Variants in CTNNA3 observed in about 807,000 individuals in gnomAD.
CTNNA3 encodes catenin alpha 3.
Under a neutral mutation model 95.7 loss-of-function variants are expected in CTNNA3, and 76 were observed. The observed-to-expected ratio is 0.79, with a 90% CI of 0.66 to 0.96. The LOEUF is 0.96. Among genes scored for constraint, CTNNA3 ranks in the 40% least tolerant of loss-of-function variants. CTNNA3 has a pLI of 0.00. For missense variants in CTNNA3, 1,191 were observed against 1,089.8 expected, an observed-to-expected ratio of 1.09 and a Z score of -1.31; for synonymous variants, 431 against 374.4, an observed-to-expected ratio of 1.15 and a Z score of -1.74.
intron 5 of CTNNA3, among the ~76,000 whole-genome samples, chr10:67,395,599 G>A (rs1342519309): frequency 6.6e-6 from 1 of 152,188 alleles, no homozygotes; most frequent in Admixed American, 6.5e-5. Flanking sequence ...TTTAAACTTA[G>A]ATTAGTACAT....
intron 7 of CTNNA3, among the ~76,000 whole-genome samples, chr10:66,991,664 G>A (rs948181604): frequency 6.6e-6 from 1 of 152,008 alleles, no homozygotes; most frequent in Non-Finnish European, 1.5e-5. Context: ...TGATTCTCCC[G>A]CCTCAGCCTC....
intron 5 of CTNNA3, among the ~76,000 whole-genome samples, chr10:67,339,586 T>C (rs773457165): frequency 1.3e-5 from 2 of 152,108 alleles, no homozygotes; most frequent in Non-Finnish European, 2.9e-5. Flanking sequence ...ATACCTACAA[T>C]ACTTTTTACT....
chr10:66,812,565 G>T (rs1214213237), intron 7 of CTNNA3, among the ~76,000 whole-genome samples: 6 of 152,038 alleles, frequency 3.9e-5, no homozygotes, highest in Non-Finnish European at 7.4e-5. Flanking sequence ...ACATACCTCA[G>T]TTTCCTCCTT....
rs946191605 is a variant in CTNNA3 at position 66,927,629 on chromosome 10, G to A, written c.1048-152105C>T. 1 of 1,614,090 alleles carries A rather than the reference G, an allele frequency of 6.2e-7. No individual in the cohort carries two copies. The highest frequency in any genetic ancestry group is 1.3e-5 in the African/African-American group (1 of 75,012). On this transcript the variant is annotated intron_variant, in intron 7 of 17. Transcript: ENST00000433211. The surrounding 1 kb of genome is among the most constrained non-coding windows in gnomAD (Gnocchi z 4.7). ...AGCCTTCAGAACCTTTACTTGCAGT[G>A]GAATAAAATCAGTGTCATAGGACAG...
intron 11 of CTNNA3, among the ~76,000 whole-genome samples, chr10:66,383,023 A>C (rs1472039874): frequency 2.0e-5 from 3 of 151,182 alleles, no homozygotes; most frequent in Non-Finnish European, 4.4e-5. Context: ...TCTAAAAATC[A>C]GAGCACCTCT....
chr10:65,949,751 G>A (rs1489835666), intron 17 of CTNNA3, among the ~76,000 whole-genome samples: 1 of 152,154 alleles, frequency 6.6e-6, no homozygotes, highest in Non-Finnish European at 1.5e-5. Flanking sequence ...GCGATTGGTT[G>A]TCAGAGCATG....
rs77709901 is a variant in CTNNA3 at position 67,652,211 on chromosome 10, A to G, written c.-5-4693T>C. ...GATGAGGACTATACACTCATGGCCT[A>G]ATTAGCTCCCAAAGGCTCCACCATT... On this transcript the variant is annotated intron_variant, in intron 1 of 17. Transcript: ENST00000433211. Among the ~76,000 whole-genome samples the G allele has an allele frequency of 1.3e-3, 199 of 152,332 alleles. 1 individual carries two copies. The highest frequency in any genetic ancestry group is 4.6e-3 in the African/African-American group (190 of 41,582).
chr10:67,539,548 A>C lies in CTNNA3; in HGVS notation c.414T>G (p.Leu138=). ...GGCACATGACATCAATCATGTCCGC[A>C]AGGATAAGGAGTCTCGTCACCGCAG... is the stretch of plus-strand genomic sequence containing the variant. ...LLAAVTRLLI[L]ADMIDVMCLL... The change falls in exon 4 of 18, where the codon CTT becomes CTG. Residue 138 remains leucine (L), a synonymous_variant. Coordinates refer to ENST00000433211, the MANE Select transcript of CTNNA3 (RefSeq NM_013266.4). 6.2e-7 allele frequency: 1 copy of C among 1,613,804 alleles called. No homozygotes were observed. The highest frequency in any genetic ancestry group is 8.5e-7 in the Non-Finnish European group (1 of 1,179,778).
At chr10:67,305,462 T>C (rs1313680559) in intron 5 of CTNNA3, among the ~76,000 whole-genome samples, 1 of 151,352 alleles carries the variant, frequency 6.6e-6, no homozygotes, top group Non-Finnish European at 1.5e-5. Flanking sequence ...GATAGGTATG[T>C]AGGGGAGAAA....
chr10:66,591,224 G>A (rs1352232046), intron 10 of CTNNA3, among the ~76,000 whole-genome samples: 1 of 152,106 alleles, frequency 6.6e-6, no homozygotes, highest in Non-Finnish European at 1.5e-5. Context: ...CAGTCAACAA[G>A]TGTTTATTGA....
At chr10:66,527,435 T>C (rs1158999039) in intron 10 of CTNNA3, among the ~76,000 whole-genome samples, 2 of 152,172 alleles carry the variant, frequency 1.3e-5, no homozygotes, top group East Asian at 3.9e-4. Context: ...TTTTTTTCTA[T>C]ATGTGCAAAA....
intron 3 of CTNNA3, among the ~76,000 whole-genome samples, chr10:67,566,026 C>T (rs1841758811): frequency 2.1e-5 from 1 of 48,238 alleles, no homozygotes; most frequent in East Asian, 9.6e-4. Flanking sequence ...AACACACACA[C>T]ACACATATGT....
intron 7 of CTNNA3, among the ~76,000 whole-genome samples, chr10:66,842,663 C>T (rs1843107193): frequency 1.3e-5 from 2 of 152,140 alleles, no homozygotes; most frequent in African/African-American, 4.8e-5. Context: ...GTAGGCCTAA[C>T]TGGCAGTTTG....
intron 11 of CTNNA3, among the ~76,000 whole-genome samples, chr10:66,459,581 T>C (rs915852729): frequency 6.6e-6 from 1 of 152,174 alleles, no homozygotes; most frequent in African/African-American, 2.4e-5. Context: ...CATCACTTAA[T>C]GGTGGGAATA....
intron 15 of CTNNA3, among the ~76,000 whole-genome samples, 180 bp downstream of exon 15, chr10:66,069,128 A>C (rs1263442142): frequency 2.0e-5 from 3 of 152,172 alleles, no homozygotes; most frequent in Non-Finnish European, 4.4e-5. Flanking sequence ...GAAACTTGCC[A>C]TATTTATTTA....
intron 6 of CTNNA3, among the ~76,000 whole-genome samples, chr10:67,195,474 C>T (rs1863314201): frequency 7.1e-6 from 1 of 140,660 alleles, no homozygotes; most frequent in South Asian, 2.2e-4. Context: ...CAGGACTTTA[C>T]TTAATGTAGC....
At chr10:67,184,791 C>A (rs921464899) in intron 6 of CTNNA3, among the ~76,000 whole-genome samples, 1 of 152,168 alleles carries the variant, frequency 6.6e-6, no homozygotes, top group African/African-American at 2.4e-5. Context: ...CCAGTCTTCA[C>A]CACATATTTG....
intron 13 of CTNNA3, among the ~76,000 whole-genome samples, chr10:66,179,219 G>A (rs1367785356): frequency 2.0e-5 from 3 of 151,804 alleles, no homozygotes; most frequent in Admixed American, 6.6e-5. Context: ...ATCTCGCTTA[G>A]CAATTAAAAA....
chr10:67,082,127 A>G (rs762979074), intron 7 of CTNNA3, among the ~76,000 whole-genome samples: 1 of 152,208 alleles, frequency 6.6e-6, no homozygotes, highest in Non-Finnish European at 1.5e-5. Context: ...TGCTATAGAG[A>G]GGATTTTTTA....
Sources: allele counts gnomAD v4.1 joint callset (sites outside exome capture counted in the v4.1 genomes callset), GRCh38; gene constraint gnomAD v4.1.1; non-coding constraint Gnocchi (gnomAD v3.1); transcripts MANE v1.5; gene names NCBI Gene and HGNC (gene_info 2026-07-23, HGNC 2026-07-21).